The following DCC variants were observed in gnomAD, a reference collection of about 807,000 sequenced individuals.
DCC encodes the protein DCC netrin 1 receptor, also known as netrin receptor DCC.
DCC carries 58 observed loss-of-function variants against 172.5 expected under a neutral mutation model. The ratio of observed to expected loss-of-function variants is 0.34; its 90% CI spans 0.27 to 0.42. DCC has a LOEUF of 0.42. Ranked by LOEUF, DCC falls within the 10% of genes least tolerant of loss-of-function variation. DCC has a pLI of 1.00. For synonymous variants in DCC, 709 were observed against 644.5 expected, an observed-to-expected ratio of 1.10 and a Z score of -1.52; for missense variants, 1,740 against 1,791.0, an observed-to-expected ratio of 0.97 and a Z score of 0.51.
At chr18:53,473,723 T>A (rs73462908) in intron 25 of DCC, among the ~76,000 whole-genome samples, 4 of 152,194 alleles carry the variant, frequency 2.6e-5, no homozygotes, top group Admixed American at 6.5e-5. Flanking sequence ...CCTGGGCAAC[T>A]TCAGAACCTC....
At chr18:52,409,572 T>C (rs535571011) in intron 1 of DCC, among the ~76,000 whole-genome samples, 68 of 152,266 alleles carry the variant, frequency 4.5e-4, no homozygotes, top group African/African-American at 1.6e-3. Context: ...CCAACTTACA[T>C]GCCACTTGCT....
At chr18:52,964,061 G>A (rs186666229) in intron 5 of DCC, among the ~76,000 whole-genome samples, 4 of 152,240 alleles carry the variant, frequency 2.6e-5, no homozygotes. Flanking sequence ...CTCTTGATAT[G>A]ATATGATAAG....
At chr18:52,846,131 A>C (rs1405333668) in intron 2 of DCC, among the ~76,000 whole-genome samples, 1 of 152,194 alleles carries the variant, frequency 6.6e-6, no homozygotes, top group Non-Finnish European at 1.5e-5. Flanking sequence ...ATTCCTCTAC[A>C]CTATGAACTC....
At chr18:52,743,423 A>G (rs1350126633) in intron 1 of DCC, among the ~76,000 whole-genome samples, 1 of 152,204 alleles carries the variant, frequency 6.6e-6, no homozygotes, top group African/African-American at 2.4e-5. Context: ...CTGGGGCATG[A>G]TAACCTACAT....
intron 5 of DCC, among the ~76,000 whole-genome samples, chr18:52,984,889 A>G (rs1721366910): frequency 6.6e-6 from 1 of 152,092 alleles, no homozygotes; most frequent in African/African-American, 2.4e-5. Context: ...TTATTATTTG[A>G]CTATGACTTT....
chr18:53,173,370 G>A (rs1024416431), intron 8 of DCC, among the ~76,000 whole-genome samples: 2 of 152,040 alleles, frequency 1.3e-5, no homozygotes, highest in Non-Finnish European at 2.9e-5. Context: ...TTTCTCTATT[G>A]TGGTAAAACA....
At chr18:52,574,491 G>C (rs1161379086) in intron 1 of DCC, among the ~76,000 whole-genome samples, 3 of 152,140 alleles carry the variant, frequency 2.0e-5, no homozygotes, top group Non-Finnish European at 1.5e-5. Context: ...TCATAAAGCT[G>C]TTAGATAGAG....
At chr18:53,096,053 C>T (rs961514075) in intron 7 of DCC, among the ~76,000 whole-genome samples, 1 of 151,848 alleles carries the variant, frequency 6.6e-6, no homozygotes, top group African/African-American at 2.4e-5. Context: ...ATACCTAATG[C>T]TAAATGACAA....
chr18:52,921,390 G>GATAAA (rs10653918), intron 3 of DCC, among the ~76,000 whole-genome samples: 147,385 of 151,980 alleles, frequency 0.97, 71,642 homozygotes, highest in Non-Finnish European at 1. Context: ...TTTGTTTTCT[G>GATAAA]ATAAAATAGT....
chr18:53,337,319 C>T (rs982653942), intron 14 of DCC, among the ~76,000 whole-genome samples: 3 of 152,186 alleles, frequency 2.0e-5, no homozygotes, highest in African/African-American at 7.2e-5. Flanking sequence ...TACGATTAGG[C>T]AGATTATCTT....
intron 1 of DCC, among the ~76,000 whole-genome samples, chr18:52,478,108 T>C (rs1277570271): frequency 6.6e-6 from 1 of 152,138 alleles, no homozygotes; most frequent in Non-Finnish European, 1.5e-5. Flanking sequence ...CCAGGTCCGG[T>C]CCCTGGTCTA....
intron 1 of DCC, among the ~76,000 whole-genome samples, chr18:52,568,126 G>A (rs752006091): frequency 1.3e-5 from 2 of 152,084 alleles, no homozygotes; most frequent in Non-Finnish European, 2.9e-5. Flanking sequence ...TCACTGTATA[G>A]TTTTTCTAAA....
At chr18:53,463,590 A>G (rs916130897) in intron 24 of DCC, among the ~76,000 whole-genome samples, 1 of 152,144 alleles carries the variant, frequency 6.6e-6, no homozygotes, top group Non-Finnish European at 1.5e-5. Context: ...ACTTTTATAC[A>G]TTATTTTGCC....
intron 7 of DCC, among the ~76,000 whole-genome samples, chr18:53,136,248 TACAC>T (rs1443542443): frequency 6.6e-6 from 1 of 151,220 alleles, no homozygotes; most frequent in Non-Finnish European, 1.5e-5. Context: ...CATGCATATA[TACAC>T]ACACATACAT....
chr18:53,225,825 T>C (rs2056018322), intron 12 of DCC, among the ~76,000 whole-genome samples: 1 of 152,160 alleles, frequency 6.6e-6, no homozygotes, highest in Admixed American at 6.5e-5. Context: ...GCTCAGTTGC[T>C]GGCTTGGGGT....
chr18:52,768,139 A>G (rs1272351279), intron 2 of DCC, among the ~76,000 whole-genome samples: 1 of 152,232 alleles, frequency 6.6e-6, no homozygotes, highest in Non-Finnish European at 1.5e-5. Context: ...AGTCTCTCCA[A>G]GAGCCTGTCA....
intron 7 of DCC, among the ~76,000 whole-genome samples, chr18:53,111,857 T>C (rs1030284747): frequency 2.6e-5 from 4 of 151,724 alleles, no homozygotes; most frequent in African/African-American, 9.7e-5. Context: ...TTAGATATTT[T>C]AGTTGTTTTG....
At chr18:52,366,663 T>G (rs145911027) in intron 1 of DCC, among the ~76,000 whole-genome samples, 14,759 of 151,174 alleles carry the variant, frequency 0.098, 825 homozygotes, top group Middle Eastern at 0.16. Flanking sequence ...TTACAATCCC[T>G]GAGCCAGACA....
intron 1 of DCC, among the ~76,000 whole-genome samples, chr18:52,386,913 A>C (rs1291664674): frequency 6.6e-6 from 1 of 152,096 alleles, no homozygotes. Context: ...TACAGATACC[A>C]TTACGGGAGT....
Sources: allele counts gnomAD v4.1 joint callset (sites outside exome capture counted in the v4.1 genomes callset), GRCh38; gene constraint gnomAD v4.1.1; transcripts MANE v1.5; gene names NCBI Gene and HGNC (gene_info 2026-07-23, HGNC 2026-07-21).